CDH13: variants seen among roughly 807,000 people sequenced by gnomAD.
CDH13 encodes the protein cadherin 13.
A neutral mutation model predicts 63.8 loss-of-function variants in CDH13; 24 were observed. The ratio of observed to expected loss-of-function variants is 0.38; its 90% CI spans 0.27 to 0.53. The LOEUF (loss-of-function observed/expected upper bound fraction) is 0.53. Ranked by LOEUF, CDH13 falls within the 20% of genes least tolerant of loss-of-function variation. The pLI is 0.85. For missense variants in CDH13, 1,049 were observed against 903.1 expected, an observed-to-expected ratio of 1.16 and a Z score of -2.07; for synonymous variants, 503 against 355.3, an observed-to-expected ratio of 1.42 and a Z score of -4.67.
chr16:82,748,203 G>A (rs1021192893), intron 1 of CDH13, among the ~76,000 whole-genome samples: 5 of 152,132 alleles, frequency 3.3e-5, no homozygotes, highest in East Asian at 1.9e-4. Context: ...GTAGTGGGAC[G>A]TACAACAACG....
chr16:82,949,261 C>G (rs1905055626), intron 2 of CDH13, among the ~76,000 whole-genome samples: 2 of 152,184 alleles, frequency 1.3e-5, no homozygotes, highest in African/African-American at 4.8e-5. Flanking sequence ...CTGGCAGCCC[C>G]AGGTGTTCCT....
intron 8 of CDH13, among the ~76,000 whole-genome samples, chr16:83,664,329 T>C (rs1304477320): frequency 3.9e-5 from 6 of 152,114 alleles, no homozygotes; most frequent in African/African-American, 1.4e-4. Context: ...TCTTGAAGAC[T>C]TGCCAGTGAA....
intron 6 of CDH13, among the ~76,000 whole-genome samples, chr16:83,434,972 TATAA>T (rs946360923): frequency 7.7e-4 from 110 of 143,006 alleles, no homozygotes; most frequent in African/African-American, 1.7e-3. Context: ...GTTTTATTTA[TATAA>T]ATAAATAAAT....
chr16:82,968,706 G>A (rs1390642782), intron 2 of CDH13, among the ~76,000 whole-genome samples: 1 of 152,142 alleles, frequency 6.6e-6, no homozygotes, highest in South Asian at 2.1e-4. Flanking sequence ...AGCTCTAGAA[G>A]CCCTGGTATA....
chr16:83,076,391 C>G (rs546284850), intron 3 of CDH13, among the ~76,000 whole-genome samples: 1 of 152,268 alleles, frequency 6.6e-6, no homozygotes, highest in Non-Finnish European at 1.5e-5. Flanking sequence ...GATTGGGATG[C>G]TTAGACTGGC....
chr16:83,245,850 C>T (rs994510091), intron 5 of CDH13, among the ~76,000 whole-genome samples: 4 of 152,072 alleles, frequency 2.6e-5, no homozygotes, highest in Non-Finnish European at 5.9e-5. Context: ...TCAAATGATT[C>T]TCCCACCTCA....
At chr16:83,688,978 A>C (rs1212303314) in intron 10 of CDH13, among the ~76,000 whole-genome samples, 1 of 152,206 alleles carries the variant, frequency 6.6e-6, no homozygotes, top group Admixed American at 6.5e-5. Flanking sequence ...GATTTTCATT[A>C]TTCATGTCAA....
chr16:83,151,952 A>C (rs1382605000), intron 4 of CDH13, among the ~76,000 whole-genome samples: 1 of 152,202 alleles, frequency 6.6e-6, no homozygotes, highest in African/African-American at 2.4e-5. Flanking sequence ...ACAAAAAAAA[A>C]AGAAAAGGAA....
chr16:82,867,102 C>T (rs1404949204), intron 2 of CDH13, among the ~76,000 whole-genome samples: 1 of 152,198 alleles, frequency 6.6e-6, no homozygotes, highest in East Asian at 1.9e-4. Flanking sequence ...AACCTCACAA[C>T]AGCTCTTAGG....
intron 6 of CDH13, among the ~76,000 whole-genome samples, chr16:83,427,613 A>G (rs1403106178): frequency 2.0e-5 from 3 of 152,180 alleles, no homozygotes; most frequent in East Asian, 3.9e-4. Context: ...CAAGAGACTC[A>G]TATAAAATAC....
intron 6 of CDH13, among the ~76,000 whole-genome samples, chr16:83,391,297 C>T (rs961158668): frequency 2.6e-5 from 4 of 152,030 alleles, no homozygotes; most frequent in African/African-American, 4.8e-5. Context: ...CCTCTGCCTC[C>T]CGGGTTCAAA....
At chr16:82,937,956 CTT>C (rs1412941313) in intron 2 of CDH13, among the ~76,000 whole-genome samples, 2 of 152,132 alleles carry the variant, frequency 1.3e-5, no homozygotes, top group Non-Finnish European at 2.9e-5. Flanking sequence ...AAATGTAACA[CTT>C]AATTTACTTT....
At chr16:83,519,019 A>T (rs894951065) in intron 7 of CDH13, among the ~76,000 whole-genome samples, 1 of 152,180 alleles carries the variant, frequency 6.6e-6, no homozygotes, top group African/African-American at 2.4e-5. Flanking sequence ...AGGCACTAGG[A>T]TTCACAGATC....
At chr16:82,781,896 C>T (rs1181873671) in intron 1 of CDH13, among the ~76,000 whole-genome samples, 2 of 152,200 alleles carry the variant, frequency 1.3e-5, no homozygotes, top group Non-Finnish European at 2.9e-5. Flanking sequence ...CTACAGAGAA[C>T]TGTGCCGTGT....
At chr16:83,339,042 A>G (rs1318678376) in intron 5 of CDH13, among the ~76,000 whole-genome samples, 13 of 152,192 alleles carry the variant, frequency 8.5e-5, no homozygotes. Flanking sequence ...CTGTGCAGGA[A>G]GACCCACAGG....
At chr16:83,063,167 G>A (rs1305127255) in intron 3 of CDH13, among the ~76,000 whole-genome samples, 1 of 152,030 alleles carries the variant, frequency 6.6e-6, no homozygotes, top group Non-Finnish European at 1.5e-5. Flanking sequence ...TCACCATGTT[G>A]GCCAGGCTGG....
chr16:83,621,697 G>A (rs182149411), intron 8 of CDH13, among the ~76,000 whole-genome samples: 35 of 151,860 alleles, frequency 2.3e-4, no homozygotes, highest in African/African-American at 8.0e-4. Context: ...ATGTTGGCCA[G>A]GCTGGTCTGG....
intron 6 of CDH13, among the ~76,000 whole-genome samples, chr16:83,349,460 G>T (rs141964990): frequency 6.6e-6 from 1 of 152,126 alleles, no homozygotes; most frequent in Non-Finnish European, 1.5e-5. Flanking sequence ...GGCATGTCAG[G>T]CTCCCACAGA....
At chr16:83,339,970 G>T (rs373443409) in intron 5 of CDH13, among the ~76,000 whole-genome samples, 7 of 152,162 alleles carry the variant, frequency 4.6e-5, no homozygotes, top group Admixed American at 1.3e-4. Flanking sequence ...AAATAATTCT[G>T]TTGGGGTCCA....
Sources: gnomAD v4.1 joint callset for allele counts (sites outside exome capture counted in the v4.1 genomes callset) on GRCh38, gnomAD v4.1.1 for gene constraint, MANE v1.5 for transcripts, NCBI Gene and HGNC (gene_info 2026-07-23, HGNC 2026-07-21) for gene names.